Variants in OR56A3 observed in about 807,000 individuals in gnomAD.
OR56A3 encodes olfactory receptor family 56 subfamily A member 3, also known as olfactory receptor 56A3.
In OR56A3, 23 loss-of-function variants were observed where a neutral mutation model predicts 17.5. That is an observed-to-expected ratio of 1.32 (90% CI 0.95 to 1.87). OR56A3 has a LOEUF of 1.87. Among genes scored for constraint, OR56A3 ranks in the 40% most tolerant of loss-of-function variants. The probability of loss-of-function intolerance (pLI) is 0.00; values close to 1 mark genes in which losing one functional copy is unlikely to be tolerated. For synonymous variants in OR56A3, 175 were observed against 150.6 expected, an observed-to-expected ratio of 1.16 and a Z score of -1.19; for missense variants, 366 against 380.1, an observed-to-expected ratio of 0.96 and a Z score of 0.31.
the OR56A3 span, chr11:6,002,166 G>C: frequency 1.2e-6 from 2 of 1,614,180 alleles, no homozygotes; most frequent in Admixed American, 3.3e-5. Flanking sequence ...GAGCAGGATG[G>C]GGACATCTGG....
chr11:5,953,186 T>A (rs928113981), downstream of OR56A3, among the ~76,000 whole-genome samples: 3 of 152,294 alleles, frequency 2.0e-5, no homozygotes, highest in African/African-American at 7.2e-5. Flanking sequence ...GATTGCTGAG[T>A]TGGATGGTAA....
the OR56A3 span, among the ~76,000 whole-genome samples, chr11:5,961,138 C>A: frequency 2.0e-5 from 3 of 150,080 alleles, no homozygotes; most frequent in South Asian, 6.3e-4. Flanking sequence ...AGGTGGGGGG[C>A]AGCCCCCGCC....
the OR56A3 span, chr11:5,986,058 A>G: frequency 6.2e-7 from 1 of 1,614,014 alleles, no homozygotes; most frequent in Non-Finnish European, 8.5e-7. Flanking sequence ...CCAGAAGAAC[A>G]TGGACATGAT....
chr11:6,016,944 C>G, the OR56A3 span: 1 of 151,854 alleles, frequency 6.6e-6, no homozygotes. Context: ...AACTTGAAGA[C>G]AGGCTTTTGA....
chr11:5,985,843 C>A, the OR56A3 span: 4 of 1,162,720 alleles, frequency 3.4e-6, no homozygotes, highest in Non-Finnish European at 4.8e-6. Flanking sequence ...ATACTCACTG[C>A]AAAATGGTCT....
At chr11:5,997,380 T>A in the OR56A3 span, among the ~76,000 whole-genome samples, 1 of 152,204 alleles carries the variant, frequency 6.6e-6, no homozygotes, top group Non-Finnish European at 1.5e-5. Flanking sequence ...AGCTCAAGGA[T>A]GCTGTACTGT....
In OR56A3 at chr11:5,950,303, G is replaced by A. The variant is rs1266360326; in HGVS notation, c.*2009G>A. ...GGAAAAGGACATATTGAGGGATTTA[G>A]AGTACATACCTCCCTGAGATTAAGA... is the stretch of plus-strand genomic sequence containing the variant. On this transcript the variant is annotated 3_prime_UTR_variant, in exon 3 of 3. Transcript: ENST00000641160. 1.3e-5 allele frequency: 2 copies of A among 152,078 alleles called. No individual in the cohort carries two copies. The highest frequency in any genetic ancestry group is 3.8e-4 in the East Asian group (2 of 5,198). The allele number at this position is 152,078 out of a possible 1,614,324, so 9.4% of individuals were successfully genotyped here.
At chr11:5,976,962 T>A in the OR56A3 span, among the ~76,000 whole-genome samples, 1 of 152,314 alleles carries the variant, frequency 6.6e-6, no homozygotes, top group Admixed American at 6.5e-5. Flanking sequence ...AGACAGAATA[T>A]GTGGTATTTG....
the OR56A3 span, among the ~76,000 whole-genome samples, chr11:6,004,436 C>T: frequency 1.3e-5 from 2 of 152,200 alleles, no homozygotes; most frequent in African/African-American, 4.8e-5. Context: ...CCTGTCCCAT[C>T]TGACAGGTCT....
the OR56A3 span, chr11:6,003,262 A>G: frequency 1.6e-6 from 1 of 635,186 alleles, no homozygotes; most frequent in East Asian, 3.0e-5. Context: ...TGTTATCCTA[A>G]TGTTACAGGT....
At chr11:6,001,971 C>G in the OR56A3 span, 2 of 1,407,986 alleles carry the variant, frequency 1.4e-6, no homozygotes, top group South Asian at 3.2e-5. Context: ...AATTTCCTTT[C>G]CAACATAAAA....
chr11:5,997,434 C>T, the OR56A3 span, among the ~76,000 whole-genome samples: 1 of 152,202 alleles, frequency 6.6e-6, no homozygotes, highest in Admixed American at 6.5e-5. Context: ...GACCTACCCC[C>T]TCTGAGGTTC....
At chr11:6,005,204 G>A in the OR56A3 span, among the ~76,000 whole-genome samples, 1 of 152,138 alleles carries the variant, frequency 6.6e-6, no homozygotes, top group African/African-American at 2.4e-5. Context: ...GAAAGGGGCT[G>A]TCATATTCTG....
chr11:5,993,842 TG>T, the OR56A3 span: 1 of 378,156 alleles, frequency 2.6e-6, no homozygotes. Context: ...ATTGGCCTCC[TG>T]CTCCCTAAAG....
At chr11:5,953,286 C>A (rs1847917403), downstream of OR56A3, among the ~76,000 whole-genome samples, 1 of 152,154 alleles carries the variant, frequency 6.6e-6, no homozygotes, top group South Asian at 2.1e-4. Flanking sequence ...ATATGCATTT[C>A]CCTTTCACTG....
At chr11:5,992,809 G>A in the OR56A3 span, among the ~76,000 whole-genome samples, 1 of 152,134 alleles carries the variant, frequency 6.6e-6, no homozygotes, top group African/African-American at 2.4e-5. Flanking sequence ...AAATAACAGA[G>A]CTTCTCCACT....
chr11:6,011,206 A>T, the OR56A3 span, among the ~76,000 whole-genome samples: 3,389 of 147,370 alleles, frequency 0.023, 79 homozygotes, highest in South Asian at 0.036. Flanking sequence ...GATTTATTTT[A>T]TATATATATA....
chr11:6,000,691 G>A, the OR56A3 span: 3 of 152,176 alleles, frequency 2.0e-5, no homozygotes, highest in Non-Finnish European at 4.4e-5. Flanking sequence ...GAAGGCTGAT[G>A]TGAGAAGCAT....
chr11:6,002,303 C>A, the OR56A3 span: 19 of 1,614,054 alleles, frequency 1.2e-5, no homozygotes, highest in South Asian at 2.0e-4. Context: ...CGGCCTTGAT[C>A]CTAAGCACAA....
Sources: allele counts gnomAD v4.1 joint callset (sites outside exome capture counted in the v4.1 genomes callset), GRCh38; gene constraint gnomAD v4.1.1; transcripts MANE v1.5; gene names NCBI Gene and HGNC (gene_info 2026-07-23, HGNC 2026-07-21).